Variants in KCNIP4 observed in about 807,000 individuals in gnomAD.
The protein encoded by KCNIP4 is Kv channel-interacting protein 4.
A neutral mutation model predicts 34.0 loss-of-function variants in KCNIP4; 12 were observed. That is an observed-to-expected ratio of 0.35 (90% CI 0.23 to 0.57). The LOEUF is 0.57. Among genes scored for constraint, KCNIP4 ranks in the 20% least tolerant of loss-of-function variants. The probability of loss-of-function intolerance (pLI) is 0.83; values close to 1 mark genes in which losing one functional copy is unlikely to be tolerated. For synonymous variants in KCNIP4, 124 were observed against 102.2 expected (o/e 1.21, Z -1.29); for missense variants, 238 against 311.7 (o/e 0.76, Z 1.78).
intron 1 of KCNIP4, among the ~76,000 whole-genome samples, chr4:21,837,539 A>AAAAAAAAAAAAG (rs544740343): frequency 6.9e-6 from 1 of 145,304 alleles, no homozygotes; most frequent in Non-Finnish European, 1.5e-5. Context: ...TGTCAAAAAA[A>AAAAAAAAAAAAG]AAAAAAAAGA....
intron 1 of KCNIP4, among the ~76,000 whole-genome samples, chr4:21,247,372 T>C (rs1220507587): frequency 6.6e-6 from 1 of 151,928 alleles, no homozygotes; most frequent in South Asian, 2.1e-4. Context: ...AATGCAGTTC[T>C]TGTTCATTAG....
At chr4:21,940,108 A>C (rs995203658) in intron 1 of KCNIP4, among the ~76,000 whole-genome samples, 1 of 152,164 alleles carries the variant, frequency 6.6e-6, no homozygotes, top group African/African-American at 2.4e-5. Flanking sequence ...AAAAAGGTAC[A>C]TTTCTTTACA....
At chr4:21,342,363 GA>G (rs950926555) in intron 1 of KCNIP4, among the ~76,000 whole-genome samples, 3 of 151,862 alleles carry the variant, frequency 2.0e-5, no homozygotes, top group Non-Finnish European at 4.4e-5. Context: ...TACAGCATAG[GA>G]AAAAAAGTTA....
intron 1 of KCNIP4, among the ~76,000 whole-genome samples, chr4:21,765,173 C>T (rs1227710077): frequency 8.6e-4 from 86 of 100,236 alleles, no homozygotes; most frequent in African/African-American, 2.5e-3. Flanking sequence ...TTTTTTTTTC[C>T]GAGACAGAGT....
At chr4:20,781,503 T>C (rs999098570) in intron 3 of KCNIP4, among the ~76,000 whole-genome samples, 2 of 152,180 alleles carry the variant, frequency 1.3e-5, no homozygotes, top group African/African-American at 2.4e-5. Context: ...TCCACATGGC[T>C]GGGGAGGCCT....
At chr4:20,949,989 C>T (rs1004763203) in intron 1 of KCNIP4, among the ~76,000 whole-genome samples, 2 of 148,368 alleles carry the variant, frequency 1.3e-5, no homozygotes, top group African/African-American at 5.0e-5. Flanking sequence ...GCACATGTAC[C>T]CTAAAACTTA....
At chr4:20,850,415 G>T in intron 3 of KCNIP4, 128 bp downstream of exon 3, 1 of 969,236 alleles carries the variant, frequency 1.0e-6, no homozygotes, top group Non-Finnish European at 1.5e-6. Context: ...TCCTATCTGG[G>T]AAGGATCAGT....
rs564338228 is a variant in KCNIP4, at chr4:20,939,501, G to A, written c.62-56792C>T. Among the ~76,000 whole-genome samples the A allele has an allele frequency of 3.2e-4, 48 of 152,146 alleles. No homozygotes were observed. In the South Asian group the frequency reaches 5.2e-3, roughly 16 times the overall value. On this transcript the variant is annotated intron_variant, in intron 1 of 8. Transcript: ENST00000382152. ...CGATTCTCCTGCCTCAGTCTCCTGAGTATCTGGGATTACAGGCATATACCA... is the reference window on the plus strand; with the variant it reads ...CGATTCTCCTGCCTCAGTCTCCTGAATATCTGGGATTACAGGCATATACCA...
chr4:21,257,450 A>G (rs2109094569), intron 1 of KCNIP4, among the ~76,000 whole-genome samples: 1 of 152,208 alleles, frequency 6.6e-6, no homozygotes, highest in East Asian at 1.9e-4. Context: ...GACCAACTGT[A>G]TCAGAAACTC....
At chr4:20,777,480 T>C (rs553292376) in intron 3 of KCNIP4, among the ~76,000 whole-genome samples, 14 of 152,274 alleles carry the variant, frequency 9.2e-5, no homozygotes, top group Non-Finnish European at 1.5e-4. Context: ...AATGTTCTTA[T>C]AAAAGAGGCC....
At chr4:21,118,432 C>A (rs1038803665) in intron 1 of KCNIP4, among the ~76,000 whole-genome samples, 1 of 152,162 alleles carries the variant, frequency 6.6e-6, no homozygotes, top group East Asian at 1.9e-4. Context: ...TTCTAGGTAA[C>A]CTGCCCTCAG....
At chr4:20,894,141 A>G (rs1177905882) in intron 1 of KCNIP4, among the ~76,000 whole-genome samples, 4 of 152,210 alleles carry the variant, frequency 2.6e-5, no homozygotes, top group Non-Finnish European at 4.4e-5. Context: ...TCGGCCTCCC[A>G]AAGTGCTGGG....
In KCNIP4 at chr4:21,522,863, A is replaced by T. The variant is rs376948855; in HGVS notation, c.61+425708T>A. Among the ~76,000 whole-genome samples, 55 of 152,218 alleles carry T rather than the reference A, an allele frequency of 3.6e-4. 2 individuals are homozygous for T. In the South Asian group the frequency reaches 9.5e-3, roughly 26 times the overall value. ...AACATTGCTTAGCACATAGTAAAAA[A>T]TATATATATTTGCTTATTTTTATTC... On this transcript the variant is annotated intron_variant, in intron 1 of 8. Coordinates refer to ENST00000382152, the MANE Select transcript of KCNIP4 (RefSeq NM_025221.6).
At chr4:21,142,932 T>C (rs940886276) in intron 1 of KCNIP4, among the ~76,000 whole-genome samples, 4 of 152,170 alleles carry the variant, frequency 2.6e-5, no homozygotes, top group Admixed American at 1.3e-4. Flanking sequence ...TTCATATCTA[T>C]ATAACATAGA....
At position 21,019,402 on chromosome 4, in the gene KCNIP4, C is replaced by T. The variant is rs371960925; in HGVS notation, c.62-136693G>A. 1.9e-3 allele frequency among the ~76,000 whole-genome samples: 288 copies of T among 152,314 alleles called. 6 individuals carry two copies. In the South Asian group the frequency reaches 0.053, roughly 28 times the overall value. ...TGAACTCCTAACCTCAGGTAATCTG[C>T]CTGACTCTGCCTCGCAAAGTGCTGG... On this transcript the variant is annotated intron_variant, in intron 1 of 8. Transcript: ENST00000382152.
chr4:21,553,756 G>A (rs928298928), intron 1 of KCNIP4, among the ~76,000 whole-genome samples: 2 of 151,984 alleles, frequency 1.3e-5, no homozygotes, highest in African/African-American at 2.4e-5. Context: ...ATTAGCTATT[G>A]TTATTATTAC....
At chr4:21,453,511 C>G (rs961962892) in intron 1 of KCNIP4, among the ~76,000 whole-genome samples, 1 of 151,892 alleles carries the variant, frequency 6.6e-6, no homozygotes, top group Non-Finnish European at 1.5e-5. Flanking sequence ...AATCCAACAC[C>G]CTCACTCTTT....
At chr4:20,734,997 A>G (rs1383505230) in intron 5 of KCNIP4, among the ~76,000 whole-genome samples, 2 of 152,220 alleles carry the variant, frequency 1.3e-5, no homozygotes, top group African/African-American at 4.8e-5. Context: ...CCACACAGCT[A>G]GAGGCTTGAG....
At chr4:20,803,713 G>A (rs546221547) in intron 3 of KCNIP4, among the ~76,000 whole-genome samples, 47 of 127,892 alleles carry the variant, frequency 3.7e-4, no homozygotes, top group South Asian at 8.8e-4. Flanking sequence ...AAGAGAGAGA[G>A]AGAGAGAGAG....
Sources: gnomAD v4.1 joint callset for allele counts (sites outside exome capture counted in the v4.1 genomes callset) on GRCh38, gnomAD v4.1.1 for gene constraint, MANE v1.5 for transcripts, NCBI Gene and HGNC (gene_info 2026-07-23, HGNC 2026-07-21) for gene names.